The following SLC44A5 variants were observed in gnomAD, a reference collection of about 807,000 sequenced individuals.
SLC44A5 encodes the protein solute carrier family 44 member 5, also known as choline transporter-like protein 5.
A neutral mutation model predicts 101.8 loss-of-function variants in SLC44A5; 57 were observed. That is an observed-to-expected ratio of 0.56 (90% confidence interval 0.45 to 0.70). The LOEUF (loss-of-function observed/expected upper bound fraction) is 0.70, where lower values mean the gene tolerates loss of function less well. Among genes scored for constraint, SLC44A5 ranks in the 30% least tolerant of loss-of-function variants. SLC44A5 has a pLI of 0.00. For missense variants in SLC44A5, 737 were observed against 853.1 expected (o/e 0.86, Z 1.70); for synonymous variants, 281 against 290.9 (o/e 0.97, Z 0.35).
In SLC44A5 at chr1:75,541,434, C is replaced by T. The variant is rs2101952282; in HGVS notation, c.13+1G>A. On this transcript the variant is annotated splice_donor_variant, in intron 2 of 23. Coordinates refer to ENST00000370859, the MANE Select transcript of SLC44A5 (RefSeq NM_001130058.2). LOFTEE classifies it high-confidence loss of function. ...GGAACTTAATTCAAGTAGGTGATTA[C>T]CTGTGTCATTCATTGAGATAAAAGG... 2 of 1,606,908 alleles carry T rather than the reference C, an allele frequency of 1.2e-6. No individual in the cohort carries two copies. The highest frequency in any genetic ancestry group is 1.3e-5 in the African/African-American group (1 of 74,850).
At chr1:75,701,097 A>G in the SLC44A5 span, among the ~76,000 whole-genome samples, 6 of 152,320 alleles carry the variant, frequency 3.9e-5, no homozygotes, top group East Asian at 1.2e-3. Context: ...AACTGGTACC[A>G]TTCCTTCTGA....
At chr1:75,305,488 C>T (rs558335401) in intron 4 of SLC44A5, among the ~76,000 whole-genome samples, 1 of 152,286 alleles carries the variant, frequency 6.6e-6, no homozygotes, top group South Asian at 2.1e-4. Flanking sequence ...TTTCAAATAT[C>T]TTCACTTCAT....
At chr1:75,329,275 C>T (rs1379452895) in intron 4 of SLC44A5, among the ~76,000 whole-genome samples, 1 of 152,102 alleles carries the variant, frequency 6.6e-6, no homozygotes, top group African/African-American at 2.4e-5. Context: ...AGACGCTGAT[C>T]ACTAGAAAAG....
chr1:75,453,386 G>A (rs563650681), intron 2 of SLC44A5, among the ~76,000 whole-genome samples: 127 of 152,204 alleles, frequency 8.3e-4, no homozygotes, highest in Non-Finnish European at 2.5e-4. Context: ...AACAAAAGTA[G>A]TGTTAAGAGG....
intron 2 of SLC44A5, among the ~76,000 whole-genome samples, chr1:75,483,807 T>C (rs1485267818): frequency 1.3e-5 from 2 of 152,096 alleles, no homozygotes. Flanking sequence ...TGAATCACAG[T>C]TCCATATGGC....
chr1:75,244,699 T>TGCTTGTG (rs1266207878), intron 7 of SLC44A5, among the ~76,000 whole-genome samples: 1 of 152,064 alleles, frequency 6.6e-6, no homozygotes, highest in African/African-American at 2.4e-5. Flanking sequence ...CAGATCACCA[T>TGCTTGTG]GCTACTTCAC....
At chr1:75,312,702 T>C (rs991850491) in intron 4 of SLC44A5, among the ~76,000 whole-genome samples, 1 of 151,102 alleles carries the variant, frequency 6.6e-6, no homozygotes, top group Non-Finnish European at 1.5e-5. Flanking sequence ...CATTATTATA[T>C]ATATAGCAGC....
chr1:75,714,092 C>A, the SLC44A5 span, among the ~76,000 whole-genome samples: 1 of 147,528 alleles, frequency 6.8e-6, no homozygotes, highest in Non-Finnish European at 1.5e-5. Flanking sequence ...GTGTGAGACA[C>A]TGTTCTCAAC....
the SLC44A5 span, among the ~76,000 whole-genome samples, chr1:75,688,050 C>T: frequency 1.3e-5 from 2 of 152,306 alleles, no homozygotes; most frequent in East Asian, 3.9e-4. Flanking sequence ...TGCCTCTGCT[C>T]TCTCTGACTA....
At chr1:75,271,495 T>C (rs1570531274) in intron 6 of SLC44A5, among the ~76,000 whole-genome samples, 2 of 39,880 alleles carry the variant, frequency 5.0e-5, no homozygotes, top group South Asian at 2.2e-3. Flanking sequence ...ACTCTGCATG[T>C]TTTGTGTGTG....
chr1:75,437,904 T>G (rs949690806), intron 2 of SLC44A5, among the ~76,000 whole-genome samples: 2 of 152,130 alleles, frequency 1.3e-5, no homozygotes, highest in African/African-American at 4.8e-5. Context: ...AAATTTTGTG[T>G]GAGTATAGTG....
At chr1:75,501,033 A>T (rs1195230695) in intron 2 of SLC44A5, among the ~76,000 whole-genome samples, 1 of 152,202 alleles carries the variant, frequency 6.6e-6, no homozygotes, top group East Asian at 1.9e-4. Flanking sequence ...GCATTTAATA[A>T]AGTGCTCAGT....
the SLC44A5 span, among the ~76,000 whole-genome samples, chr1:75,709,110 A>G: frequency 2.0e-5 from 3 of 152,314 alleles, no homozygotes; most frequent in South Asian, 4.1e-4. Context: ...TCTTAATCTC[A>G]GAGTTGTAAC....
chr1:75,673,815 G>T, the SLC44A5 span, among the ~76,000 whole-genome samples: 1 of 152,082 alleles, frequency 6.6e-6, no homozygotes, highest in Non-Finnish European at 1.5e-5. Context: ...AGATCACCAG[G>T]GTAGTACCCC....
At chr1:75,655,700 A>C in the SLC44A5 span, among the ~76,000 whole-genome samples, 2 of 152,194 alleles carry the variant, frequency 1.3e-5, no homozygotes, top group African/African-American at 4.8e-5. Context: ...TTTGTCTTGC[A>C]ACCAGGTACC....
the SLC44A5 span, chr1:75,641,711 T>G: frequency 6.4e-7 from 1 of 1,560,904 alleles, no homozygotes; most frequent in Non-Finnish European, 8.8e-7. Context: ...ATACTGCATA[T>G]TCAAGTCATT....
chr1:75,525,945 T>C (rs1008544634), intron 2 of SLC44A5, among the ~76,000 whole-genome samples: 1 of 152,228 alleles, frequency 6.6e-6, no homozygotes, highest in Non-Finnish European at 1.5e-5. Flanking sequence ...TCTTTCTGTA[T>C]ATTTAGAAAA....
chr1:75,218,815 CTG>C, intron 16 of SLC44A5, 63 bp from the exon 17 acceptor site: 1 of 1,461,892 alleles, frequency 6.8e-7, no homozygotes, highest in Non-Finnish European at 9.2e-7. Flanking sequence ...TAACAACTCC[CTG>C]TGTTTTCCTC....
chr1:75,695,260 T>G, the SLC44A5 span, among the ~76,000 whole-genome samples: 1 of 152,212 alleles, frequency 6.6e-6, no homozygotes, highest in Admixed American at 6.5e-5. Context: ...CCTGTTGACT[T>G]TGGCTAACAG....
Sources: gnomAD v4.1 joint callset for allele counts (sites outside exome capture counted in the v4.1 genomes callset) on GRCh38, gnomAD v4.1.1 for gene constraint, MANE v1.5 for transcripts, NCBI Gene and HGNC (gene_info 2026-07-23, HGNC 2026-07-21) for gene names.